Variants in PARL observed in about 807,000 individuals in gnomAD.
The protein encoded by PARL is presenilin associated rhomboid like.
Under a neutral mutation model 51.6 loss-of-function variants are expected in PARL, and 44 were observed. That is an observed-to-expected ratio of 0.85 (90% CI 0.67 to 1.10). The LOEUF (loss-of-function observed/expected upper bound fraction) is 1.10, where lower values mean the gene tolerates loss of function less well. PARL is among the 50% of genes least tolerant of loss of function. PARL has a pLI of 0.00. For synonymous variants in PARL, 172 were observed against 164.0 expected (o/e 1.05, Z -0.37); for missense variants, 441 against 469.5 (o/e 0.94, Z 0.56).
intron 1 of PARL, among the ~76,000 whole-genome samples, chr3:183,882,999 A>G (rs1168450245): frequency 2.6e-5 from 4 of 152,238 alleles, no homozygotes; most frequent in African/African-American, 4.8e-5. Context: ...CAAATGCTCT[A>G]TTTCAGGCCT....
At position 183,829,394 on chromosome 3, in the gene PARL, A is replaced by C; in HGVS notation, c.*204T>G. ...AGAGAGAACACACACATCTGCTTAC[A>C]AACTAGATAGAAACCTTTATTTCAC... On this transcript the variant is annotated 3_prime_UTR_variant, in exon 10 of 10. Coordinates refer to ENST00000317096, the MANE Select transcript of PARL (RefSeq NM_018622.7). 4 of 1,487,954 alleles carry C rather than the reference A, an allele frequency of 2.7e-6. No homozygotes were observed. The highest frequency in any genetic ancestry group is 3.6e-6 in the Non-Finnish European group (4 of 1,124,076). The allele number at this position is 1,487,954 out of a possible 1,614,324, so 92.2% of individuals were successfully genotyped here.
At chr3:183,842,165 T>C (rs1374039723) in intron 6 of PARL, 133 bp downstream of exon 6, 3 of 937,328 alleles carry the variant, frequency 3.2e-6, no homozygotes, top group Non-Finnish European at 5.2e-6. Context: ...CTTCTCTACA[T>C]ACACTGTGAG....
At chr3:183,847,691 C>G (rs538287753) in intron 4 of PARL, among the ~76,000 whole-genome samples, 1 of 152,128 alleles carries the variant, frequency 6.6e-6, no homozygotes, top group Non-Finnish European at 1.5e-5. Context: ...AGAGAATGGC[C>G]TTTTCAAGTC....
At chr3:183,836,636 G>A (rs1728629611) in intron 7 of PARL, among the ~76,000 whole-genome samples, 1 of 152,140 alleles carries the variant, frequency 6.6e-6, no homozygotes, top group South Asian at 2.1e-4. Context: ...AGACCTAAGA[G>A]GTGTGGGTCC....
At position 183,833,516 on chromosome 3, in the gene PARL, T is replaced by C. The variant is rs1267020117; in HGVS notation, c.1004A>G (p.His335Arg). 6.2e-7 allele frequency: 1 copy of C among 1,612,484 alleles called. No homozygotes were observed. The highest frequency in any genetic ancestry group is 8.5e-7 in the Non-Finnish European group (1 of 1,178,456). ...LGWKFFDHAA[H>R]LGGALFGIWY... ...CATTCCAAAAAGAGCTCCCCCAAGATGTGCCGCATGATCAAAAAATTTCCA... is the reference window on the plus strand; with the variant it reads ...CATTCCAAAAAGAGCTCCCCCAAGACGTGCCGCATGATCAAAAAATTTCCA... The change falls in exon 9 of 10, where the codon CAT becomes CGT. Residue 335 changes from histidine (H) to arginine (R), a missense_variant. His to Arg is a conservative substitution (Grantham distance 29). Transcript: ENST00000317096.
chr3:183,875,467 G>A (rs375967015), intron 1 of PARL, among the ~76,000 whole-genome samples: 7 of 147,802 alleles, frequency 4.7e-5, no homozygotes, highest in East Asian at 2.0e-4. Context: ...CAGCCTTATT[G>A]CCAACATGGA....
downstream of PARL, among the ~76,000 whole-genome samples, chr3:183,828,223 G>A (rs1727568207): frequency 6.6e-6 from 1 of 152,234 alleles, no homozygotes; most frequent in African/African-American, 2.4e-5. Flanking sequence ...CAGGGACACA[G>A]AGATGTCTTC....
intron 4 of PARL, among the ~76,000 whole-genome samples, chr3:183,855,090 G>C (rs983011060): frequency 6.6e-6 from 1 of 152,064 alleles, no homozygotes; most frequent in Non-Finnish European, 1.5e-5. Context: ...GAAATCTCCA[G>C]AAGAGGAAAG....
chr3:183,870,467 C>T (rs1194232304), intron 1 of PARL, among the ~76,000 whole-genome samples: 1 of 151,860 alleles, frequency 6.6e-6, no homozygotes, highest in Non-Finnish European at 1.5e-5. Context: ...CCTCACACTG[C>T]TTTTCCTCCA....
chr3:183,853,316 ACTTT>A (rs1730758653), intron 4 of PARL, among the ~76,000 whole-genome samples: 1 of 152,202 alleles, frequency 6.6e-6, no homozygotes. Context: ...TAAACCCAGC[ACTTT>A]GGGAGGCTGA....
At chr3:183,840,709 C>A in intron 6 of PARL, 69 bp from the exon 7 acceptor site, 1 of 608,676 alleles carries the variant, frequency 1.6e-6, no homozygotes, top group Non-Finnish European at 2.8e-6. Flanking sequence ...TTTTTCTTTT[C>A]TTTTTTTTTT....
intron 1 of PARL, among the ~76,000 whole-genome samples, chr3:183,878,329 T>C (rs955658494): frequency 2.0e-5 from 3 of 152,196 alleles, no homozygotes; most frequent in African/African-American, 4.8e-5. Context: ...TTCCACCACA[T>C]GCTACCGATC....
downstream of PARL, chr3:183,829,270 C>T (rs1309815994): frequency 2.4e-5 from 12 of 505,810 alleles, no homozygotes; most frequent in African/African-American, 1.4e-4. Context: ...AGGCAACCAG[C>T]GCCTTCATGT....
intron 4 of PARL, among the ~76,000 whole-genome samples, chr3:183,859,269 C>T (rs1408945432): frequency 6.6e-6 from 1 of 152,066 alleles, no homozygotes; most frequent in Admixed American, 6.5e-5. Flanking sequence ...CAGAGCAAGA[C>T]TCCATCTCAA....
rs147772011 is a variant in PARL at position 183,844,209 on chromosome 3, A to T, written c.607+22T>A. On this transcript the variant is annotated intron_variant, in intron 5 of 9. Coordinates refer to ENST00000317096, the MANE Select transcript of PARL (RefSeq NM_018622.7). Reference sequence around the variant, plus strand: ...TTCATATTATTTCTACCTTAAAATAAATTCACACAAGTTAGACTTACTTGA... The same window carrying T: ...TTCATATTATTTCTACCTTAAAATATATTCACACAAGTTAGACTTACTTGA... 15 of 1,435,874 alleles carry T rather than the reference A, an allele frequency of 1.0e-5. No individual in the cohort carries two copies. The Admixed American group carries it at 1.5e-4, about 14-fold the overall frequency. The allele number at this position is 1,435,874 out of a possible 1,614,324, so 88.9% of individuals were successfully genotyped here.
rs1395405856 is a variant in PARL at position 183,829,714 on chromosome 3, A to G, written c.1029-5T>C. 1 of 1,612,116 alleles carries G rather than the reference A, an allele frequency of 6.2e-7. No homozygotes were observed. The highest frequency in any genetic ancestry group is 1.7e-5 in the Admixed American group (1 of 60,020). ...TGACCGTAAGTAACATACCATCTGG[A>G]GAAAAACAAACCAGGTCCGACATTC... On this transcript the variant is annotated splice_region_variant and splice_polypyrimidine_tract_variant and intron_variant, in intron 9 of 9. Transcript: ENST00000317096.
At position 183,833,524 on chromosome 3, in the gene PARL, AT is replaced by A. The variant is rs1417812704; in HGVS notation, c.995del (p.His332LeufsTer21). 1 of 1,613,562 alleles carries A rather than the reference AT, an allele frequency of 6.2e-7. No homozygotes were observed. On this transcript the variant is annotated frameshift_variant, in exon 9 of 10. Coordinates refer to ENST00000317096, the MANE Select transcript of PARL (RefSeq NM_018622.7). LOFTEE classifies it high-confidence loss of function. ...GMILGWKFFD[H>X]AAHLGGALFG... is the part of the protein sequence containing the mutation. ...AAAGAGCTCCCCCAAGATGTGCCGC[AT>A]GATCAAAAAATTTCCATCCCAGGAT...
intron 1 of PARL, among the ~76,000 whole-genome samples, chr3:183,883,222 A>G (rs923148870): frequency 2.0e-5 from 3 of 152,186 alleles, no homozygotes; most frequent in African/African-American, 7.2e-5. Context: ...TGATGTGTAC[A>G]TAAATCTTAA....
intron 4 of PARL, among the ~76,000 whole-genome samples, chr3:183,845,460 C>CA (rs1335727695): frequency 6.6e-6 from 1 of 152,124 alleles, no homozygotes; most frequent in Non-Finnish European, 1.5e-5. Context: ...CTCCGTAGTA[C>CA]ATTAAATAAA....
Sources: gnomAD v4.1 joint callset for allele counts (sites outside exome capture counted in the v4.1 genomes callset) on GRCh38, gnomAD v4.1.1 for gene constraint, MANE v1.5 for transcripts, NCBI Gene and HGNC (gene_info 2026-07-23, HGNC 2026-07-21) for gene names.